ZNF365: variants seen among roughly 807,000 people sequenced by gnomAD.
ZNF365 encodes protein ZNF365.
A neutral mutation model predicts 35.0 loss-of-function variants in ZNF365; 22 were observed. The ratio of observed to expected loss-of-function variants is 0.63; its 90% CI spans 0.45 to 0.90. ZNF365 has a LOEUF of 0.90. Among genes scored for constraint, ZNF365 ranks in the 40% least tolerant of loss-of-function variants. ZNF365 has a pLI of 0.00. For synonymous variants in ZNF365, 188 were observed against 196.2 expected (o/e 0.96, Z 0.35); for missense variants, 448 against 500.3 (o/e 0.90, Z 1.00).
At chr10:62,428,169 A>G (rs1351301128) in intron 3 of ZNF365, among the ~76,000 whole-genome samples, 3 of 152,194 alleles carry the variant, frequency 2.0e-5, no homozygotes, top group Non-Finnish European at 4.4e-5. Context: ...GGTTGGAAAT[A>G]TTAGATTTTT....
intron 3 of ZNF365, among the ~76,000 whole-genome samples, chr10:62,432,977 T>C (rs1171404885): frequency 6.6e-6 from 1 of 152,186 alleles, no homozygotes; most frequent in Non-Finnish European, 1.5e-5. Flanking sequence ...TATCATGAGA[T>C]TTAACAAACT....
chr10:62,438,625 A>T (rs951182343), intron 3 of ZNF365, among the ~76,000 whole-genome samples: 1 of 152,248 alleles, frequency 6.6e-6, no homozygotes, highest in Non-Finnish European at 1.5e-5. Context: ...GGCATTAAGG[A>T]AGAGATATAA....
At chr10:62,378,231 G>A (rs1466100959) in intron 2 of ZNF365, among the ~76,000 whole-genome samples, 4 of 152,094 alleles carry the variant, frequency 2.6e-5, no homozygotes, top group Non-Finnish European at 5.9e-5. Context: ...GCACTGTGCT[G>A]TTGAAAAAAG....
In ZNF365 at chr10:62,383,231, A is replaced by AG. The variant is rs1316404826; in HGVS notation, c.744-5163dup. ...TACAGGGGGTACTTGCAGACAGTGA[A>AG]GGAGCACACAAGGTCCCTGAACTCA... On this transcript the variant is annotated intron_variant, in intron 2 of 4. Coordinates refer to ENST00000395254, the MANE Select transcript of ZNF365 (RefSeq NM_014951.3). Among the ~76,000 whole-genome samples the AG allele has an allele frequency of 3.9e-5, 6 of 152,292 alleles. No homozygotes were observed. The East Asian group carries it at 1.2e-3, about 29-fold the overall frequency.
At chr10:62,456,347 A>G (rs1840760313) in intron 3 of ZNF365, among the ~76,000 whole-genome samples, 2 of 152,016 alleles carry the variant, frequency 1.3e-5, no homozygotes, top group South Asian at 2.1e-4. Flanking sequence ...AAACATGCCT[A>G]TATTTATATT....
At chr10:62,438,470 G>A (rs1840442973) in intron 3 of ZNF365, among the ~76,000 whole-genome samples, 1 of 152,086 alleles carries the variant, frequency 6.6e-6, no homozygotes, top group African/African-American at 2.4e-5. Flanking sequence ...TTACAGGAAT[G>A]AGCTACCATG....
rs776080763 is a variant in ZNF365 at position 62,395,347 on chromosome 10, C to CT, written c.925-3379dup. On this transcript the variant is annotated intron_variant, in intron 3 of 4. Transcript: ENST00000395254. The stretch of plus-strand genomic sequence containing the variant: ...ATCCCTGTTCCAAAACTCTGACACT[C>CT]TTTTTTTTTTTTTTCGAGGCGCTCT... 2.3e-3 allele frequency among the ~76,000 whole-genome samples: 324 copies of CT among 138,258 alleles called. 1 individual carries two copies. The highest frequency in any genetic ancestry group is 4.1e-3 in the Admixed American group (56 of 13,634). 90.7% of individuals were successfully genotyped at this position (138,258 alleles called of 152,430 possible).
intron 3 of ZNF365, among the ~76,000 whole-genome samples, chr10:62,454,244 C>A (rs1255941949): frequency 6.6e-6 from 1 of 152,110 alleles, no homozygotes; most frequent in Non-Finnish European, 1.5e-5. Context: ...AAATACAAAT[C>A]ATTGGTTAAC....
Position 62,401,223 on chromosome 10 carries a change from G to A in ZNF365, c.*1434G>A, listed in dbSNP as rs919130530. ...ACTCATGGAGAAAGTGTGTGTTTGT[G>A]GTGGGTGGTTTTTAAACTATATATG... On this transcript the variant is annotated 3_prime_UTR_variant, in exon 5 of 5. Transcript: ENST00000395254. 1.2e-5 allele frequency: 12 copies of A among 984,892 alleles called. No homozygotes were observed. The African/African-American group carries it at 2.1e-4, about 17-fold the overall frequency. The allele number at this position is 984,892 out of a possible 1,614,324, so 61.0% of individuals were successfully genotyped here.
chr10:62,463,996 G>A (rs1564599881), intron 4 of ZNF365, among the ~76,000 whole-genome samples: 1 of 152,138 alleles, frequency 6.6e-6, no homozygotes, highest in Admixed American at 6.5e-5. Context: ...ATGGAGCCAG[G>A]TGGACATTAT....
At chr10:62,377,072 AC>A in intron 2 of ZNF365, 136 bp downstream of exon 2, 1 of 1,185,740 alleles carries the variant, frequency 8.4e-7, no homozygotes, top group Non-Finnish European at 1.2e-6. Flanking sequence ...ATATAGTTGA[AC>A]CAGGAGGAAC....
chr10:62,410,061 A>G (rs1027836316), intron 3 of ZNF365, among the ~76,000 whole-genome samples: 2 of 152,086 alleles, frequency 1.3e-5, no homozygotes, highest in African/African-American at 4.8e-5. Flanking sequence ...CCATGGCACT[A>G]TGTATTTTTT....
intron 4 of ZNF365, among the ~76,000 whole-genome samples, chr10:62,472,205 T>A (rs1301880450): frequency 2.0e-5 from 3 of 152,164 alleles, no homozygotes; most frequent in East Asian, 3.9e-4. Flanking sequence ...TGTCAAGGGG[T>A]TGCTTATCAC....
intron 3 of ZNF365, among the ~76,000 whole-genome samples, chr10:62,430,335 C>T (rs1221332738): frequency 2.0e-5 from 3 of 151,036 alleles, no homozygotes; most frequent in African/African-American, 7.3e-5. Context: ...TGCCCGCCAC[C>T]ACGCCCGGCT....
chr10:62,480,276 T>C, exon 5 of ZNF365: 1 of 994,744 alleles, frequency 1.0e-6, no homozygotes, highest in Non-Finnish European at 1.2e-6. Context: ...AAAAAATAGT[T>C]ATTGAGTAAT....
chr10:62,424,414 C>T lies in ZNF365; in HGVS notation c.925-35327C>T, dbSNP rs545605197. Among the ~76,000 whole-genome samples, 195 of 152,098 alleles carry T rather than the reference C, an allele frequency of 1.3e-3. 3 individuals are homozygous for T. The highest frequency in any genetic ancestry group is 1.2e-3 in the Non-Finnish European group (81 of 68,000). On this transcript the variant is annotated intron_variant, in intron 3 of 4. Transcript: ENST00000395255. ...TCTATTATAAGCAATGAATTAACTT[C>T]CCTCCTATGCATCTAAAGTGATACT... is the stretch of plus-strand genomic sequence containing the variant.
intron 2 of ZNF365, among the ~76,000 whole-genome samples, chr10:62,386,032 A>G (rs1839520148): frequency 6.6e-6 from 1 of 152,214 alleles, no homozygotes; most frequent in Non-Finnish European, 1.5e-5. Context: ...CTCAGACTCC[A>G]AATGAATTGA....
chr10:62,403,455 G>C (rs1324037195), downstream of ZNF365, among the ~76,000 whole-genome samples: 1 of 152,114 alleles, frequency 6.6e-6, no homozygotes, highest in Non-Finnish European at 1.5e-5. Flanking sequence ...TCAGGAGATC[G>C]AGACCATCCT....
chr10:62,387,413 T>A (rs1220817731), intron 2 of ZNF365, among the ~76,000 whole-genome samples: 1 of 152,176 alleles, frequency 6.6e-6, no homozygotes, highest in African/African-American at 2.4e-5. Flanking sequence ...TTTTTATATT[T>A]CTAATGGGTT....
Sources: allele counts gnomAD v4.1 joint callset (sites outside exome capture counted in the v4.1 genomes callset), GRCh38; gene constraint gnomAD v4.1.1; transcripts MANE v1.5; gene names NCBI Gene and HGNC (gene_info 2026-07-23, HGNC 2026-07-21).